The following C12orf50 variants were observed in gnomAD, a reference collection of about 807,000 sequenced individuals.
C12orf50 encodes the protein zinc finger CCCH-type containing 11D.
A neutral mutation model predicts 61.6 loss-of-function variants in C12orf50; 35 were observed. The observed-to-expected ratio is 0.57, with a 90% CI of 0.43 to 0.75. The LOEUF is 0.75. C12orf50 is among the 30% of genes least tolerant of loss of function. The pLI is 0.00. For synonymous variants in C12orf50, 178 were observed against 161.5 expected (o/e 1.10, Z -0.77); for missense variants, 475 against 488.5 (o/e 0.97, Z 0.26).
chr12:88,001,410 G>C (rs966845939), intron 3 of C12orf50, among the ~76,000 whole-genome samples: 1 of 151,400 alleles, frequency 6.6e-6, no homozygotes, highest in Non-Finnish European at 1.5e-5. Flanking sequence ...GTCAGATTTA[G>C]TGTAATCGAA....
At position 87,993,824 on chromosome 12, in the gene C12orf50, CAG is replaced by C. The variant is rs369833473; in HGVS notation, c.592+807_592+808del. Among the ~76,000 whole-genome samples the C allele has an allele frequency of 7.9e-5, 12 of 152,298 alleles. No homozygotes were observed. The East Asian group carries it at 1.9e-3, about 25-fold the overall frequency. On this transcript the variant is annotated intron_variant, in intron 7 of 12. Transcript: ENST00000298699. ...TTTCCAACATGTTTATGCTAAAAAG[CAG>C]TTCCAAAATATTTAAGCTATAATAC...
chr12:87,986,643 C>T (rs1258267675), intron 9 of C12orf50, among the ~76,000 whole-genome samples: 3 of 152,022 alleles, frequency 2.0e-5, no homozygotes, highest in East Asian at 1.9e-4. Context: ...AGTAGCTTTC[C>T]TCAAAGAAAA....
intron 3 of C12orf50, among the ~76,000 whole-genome samples, chr12:88,009,637 G>T (rs2032022181): frequency 6.6e-6 from 1 of 152,026 alleles, no homozygotes. Flanking sequence ...ACATAAGATA[G>T]GTTCCAACAA....
intron 7 of C12orf50, among the ~76,000 whole-genome samples, chr12:87,991,534 G>C (rs1244268414): frequency 6.6e-6 from 1 of 152,150 alleles, no homozygotes; most frequent in East Asian, 1.9e-4. Flanking sequence ...AAAGTATCCA[G>C]ATTTATCTAG....
chr12:87,982,984 G>A (rs1474989533), intron 12 of C12orf50, 119 bp downstream of exon 12: 17 of 511,894 alleles, frequency 3.3e-5, no homozygotes, highest in Non-Finnish European at 5.9e-5. Context: ...GTAATTAAGT[G>A]TGCATGTATA....
At chr12:88,030,124 C>A, upstream of C12orf50, 1 of 162,756 alleles carries the variant, frequency 6.1e-6, no homozygotes, top group Non-Finnish European at 1.3e-5. Flanking sequence ...CGTTTTCATG[C>A]TGCTGATAAA....
In C12orf50 at chr12:87,985,619, A is replaced by C. The variant is rs562398472; in HGVS notation, c.1126+231T>G. On this transcript the variant is annotated intron_variant, in intron 11 of 12. Transcript: ENST00000298699. ...TGCAGTGCTCTGAGAAAAAAACTCT[A>C]GGGAGGTGCAATCTGAAGTCATCTG... The C allele has an allele frequency of 1.1e-5, 6 of 561,046 alleles. No homozygotes were observed. The Admixed American group carries it at 1.3e-4, about 12-fold the overall frequency. 34.8% of individuals were successfully genotyped at this position (561,046 alleles called of 1,614,324 possible). A position where few individuals can be genotyped will look rare whatever the true frequency, so the allele number is the denominator to read the frequency against.
In C12orf50 at chr12:88,026,626, G is replaced by T; in HGVS notation, c.13-18C>A. On this transcript the variant is annotated intron_variant, in intron 2 of 12. Coordinates refer to ENST00000298699, the MANE Select transcript of C12orf50 (RefSeq NM_152589.3). ...CAGTTTTGCTAGATAAAAGGAGATT[G>T]GGGGAAATGTAATGATTAGATGCCA... 1.2e-6 allele frequency: 2 copies of T among 1,610,844 alleles called. No homozygotes were observed. The highest frequency in any genetic ancestry group is 1.7e-6 in the Non-Finnish European group (2 of 1,179,616).
intron 4 of C12orf50, 122 bp downstream of exon 4, chr12:87,997,913 A>T: frequency 1.5e-6 from 1 of 673,976 alleles, no homozygotes; most frequent in Non-Finnish European, 2.4e-6. Flanking sequence ...ATACAATTAT[A>T]GTTATTTTCT....
chr12:88,029,838 G>C (rs369178463), upstream of C12orf50, among the ~76,000 whole-genome samples: 44 of 152,002 alleles, frequency 2.9e-4, no homozygotes, highest in African/African-American at 1.0e-3. Context: ...ATATTAATAG[G>C]TACCTGAAAA....
At chr12:88,020,526 C>A (rs2032477393) in intron 3 of C12orf50, among the ~76,000 whole-genome samples, 1 of 152,112 alleles carries the variant, frequency 6.6e-6, no homozygotes, top group Non-Finnish European at 1.5e-5. Flanking sequence ...CAGGAGCACC[C>A]AGATCCATAA....
At chr12:87,992,056 G>A (rs925076660) in intron 7 of C12orf50, among the ~76,000 whole-genome samples, 3 of 152,130 alleles carry the variant, frequency 2.0e-5, no homozygotes, top group Non-Finnish European at 4.4e-5. Flanking sequence ...GACAGGAGAG[G>A]GCAGCACAGC....
chr12:87,996,225 G>T, intron 6 of C12orf50, 149 bp downstream of exon 6: 1 of 631,896 alleles, frequency 1.6e-6, no homozygotes. Context: ...AGCAGCTTTG[G>T]GTCATCCAAT....
chr12:88,003,499 G>A (rs1478827217), intron 3 of C12orf50, among the ~76,000 whole-genome samples: 1 of 151,912 alleles, frequency 6.6e-6, no homozygotes, highest in African/African-American at 2.4e-5. Flanking sequence ...AGACAAACTG[G>A]CAACAAATTC....
At chr12:88,014,056 G>A (rs1441929040) in intron 3 of C12orf50, among the ~76,000 whole-genome samples, 2 of 152,126 alleles carry the variant, frequency 1.3e-5, no homozygotes, top group Admixed American at 6.5e-5. Context: ...TAACTCAGAA[G>A]TGCTAGAATA....
intron 8 of C12orf50, among the ~76,000 whole-genome samples, chr12:87,988,823 C>A (rs1036759103): frequency 1.3e-5 from 2 of 152,050 alleles, no homozygotes; most frequent in African/African-American, 4.8e-5. Context: ...CAGTTAAGGG[C>A]AGTGTAAAAC....
At chr12:87,989,178 C>T (rs572903755) in intron 8 of C12orf50, 86 bp downstream of exon 8, 98 of 893,698 alleles carry the variant, frequency 1.1e-4, no homozygotes, top group Middle Eastern at 2.9e-4. Context: ...ATTACCATTC[C>T]TCTATTGGTT....
intron 11 of C12orf50, chr12:87,984,581 G>A (rs2136400270): frequency 6.6e-6 from 1 of 152,250 alleles, no homozygotes; most frequent in South Asian, 2.1e-4. Flanking sequence ...GATAGCCGAA[G>A]CATTTATATC....
chr12:88,027,262 A>G (rs17333658), intron 1 of C12orf50, among the ~76,000 whole-genome samples, 192 bp from the exon 2 acceptor site: 1,736 of 152,356 alleles, frequency 0.011, 15 homozygotes, highest in Non-Finnish European at 0.017. Flanking sequence ...GCAACAAGAT[A>G]GTCTAATGGT....
Sources: allele counts gnomAD v4.1 joint callset (sites outside exome capture counted in the v4.1 genomes callset), GRCh38; gene constraint gnomAD v4.1.1; transcripts MANE v1.5; gene names NCBI Gene and HGNC (gene_info 2026-07-23, HGNC 2026-07-21).